The following CD247 variants were observed in gnomAD, a reference collection of about 807,000 sequenced individuals.
CD247 encodes T-cell surface glycoprotein CD3 zeta chain.
CD247 carries 13 observed loss-of-function variants against 30.0 expected under a neutral mutation model. The ratio of observed to expected loss-of-function variants is 0.43; its 90% CI spans 0.28 to 0.69. The LOEUF (loss-of-function observed/expected upper bound fraction) is 0.69, where lower values mean the gene tolerates loss of function less well. Ranked by LOEUF, CD247 falls within the 30% of genes least tolerant of loss-of-function variation. CD247 has a pLI of 0.16. For missense variants in CD247, 193 were observed against 212.6 expected, an observed-to-expected ratio of 0.91 and a Z score of 0.57; for synonymous variants, 72 against 80.0, an observed-to-expected ratio of 0.90 and a Z score of 0.53.
intron 1 of CD247, among the ~76,000 whole-genome samples, chr1:167,466,477 G>T (rs372825346): frequency 3.3e-5 from 5 of 151,896 alleles, no homozygotes; most frequent in African/African-American, 1.2e-4. Flanking sequence ...TTTGAGATAA[G>T]CTACAGGATA....
chr1:167,456,883 A>C (rs184456746), intron 1 of CD247, among the ~76,000 whole-genome samples: 1 of 152,190 alleles, frequency 6.6e-6, no homozygotes, highest in East Asian at 1.9e-4. Flanking sequence ...TCATTCCTCA[A>C]ACTTTGTCAT....
At chr1:167,449,342 C>T (rs370912662) in intron 1 of CD247, among the ~76,000 whole-genome samples, 166 of 151,222 alleles carry the variant, frequency 1.1e-3, no homozygotes, top group African/African-American at 4.0e-3. Flanking sequence ...TTAGCAGAGA[C>T]GGGGTTTCAC....
At position 167,495,256 on chromosome 1, in the gene CD247, T is replaced by C. The variant is rs552044829; in HGVS notation, c.58+23152A>G. 2.8e-4 allele frequency among the ~76,000 whole-genome samples: 42 copies of C among 152,334 alleles called. No individual in the cohort carries two copies. The South Asian group carries it at 8.5e-3, about 31-fold the overall frequency. ...CTCTCTAAGCCTCAGTTTCTTCAAC[T>C]GTAAAATGAGGATATCCTGAGGTTG... On this transcript the variant is annotated intron_variant, in intron 1 of 7. Transcript: ENST00000362089.
intron 1 of CD247, among the ~76,000 whole-genome samples, chr1:167,485,839 T>C (rs1654183253): frequency 6.6e-6 from 1 of 152,054 alleles, no homozygotes; most frequent in Admixed American, 6.6e-5. Context: ...TGCCTCCTTC[T>C]GGCTGAGCTC....
At chr1:167,438,732 C>A in intron 3 of CD247, 82 bp from the exon 4 acceptor site, 1 of 1,121,316 alleles carries the variant, frequency 8.9e-7, no homozygotes. Flanking sequence ...AGTGTGGTTT[C>A]CCTCTCTGGG....
chr1:167,461,018 G>T (rs372145381), intron 1 of CD247, among the ~76,000 whole-genome samples: 1 of 152,204 alleles, frequency 6.6e-6, no homozygotes, highest in South Asian at 2.1e-4. Context: ...GTGAGCATTC[G>T]CCTATGACGT....
At chr1:167,438,020 G>GAGGAAGGAAGGA (rs57753052) in intron 4 of CD247, among the ~76,000 whole-genome samples, 144 of 150,872 alleles carry the variant, frequency 9.5e-4, no homozygotes, top group African/African-American at 2.5e-3. Flanking sequence ...AATAAAGACA[G>GAGGAAGGAAGGA]AGGAAGGAAG....
chr1:167,497,906 T>C (rs1371534680), intron 1 of CD247, among the ~76,000 whole-genome samples: 1 of 152,176 alleles, frequency 6.6e-6, no homozygotes, highest in Non-Finnish European at 1.5e-5. Flanking sequence ...ACAGATTCCA[T>C]GATGCCCAAG....
chr1:167,471,817 CTTTCTG>C (rs1207985994), intron 1 of CD247, among the ~76,000 whole-genome samples: 1 of 140,306 alleles, frequency 7.1e-6, no homozygotes, highest in Non-Finnish European at 1.6e-5. Flanking sequence ...TTTTTTTTTT[CTTTCTG>C]TTTCTTTCTT....
chr1:167,499,433 G>C (rs1201386835), intron 1 of CD247, among the ~76,000 whole-genome samples: 1 of 152,122 alleles, frequency 6.6e-6, no homozygotes, highest in East Asian at 1.9e-4. Flanking sequence ...TTGTTGCTAG[G>C]GTTAAACTGT....
At chr1:167,511,166 A>G (rs1472038729) in intron 1 of CD247, among the ~76,000 whole-genome samples, 2 of 152,196 alleles carry the variant, frequency 1.3e-5, no homozygotes, top group Non-Finnish European at 2.9e-5. Flanking sequence ...GAGTTAGTGA[A>G]AAAACAAATC....
intron 1 of CD247, among the ~76,000 whole-genome samples, chr1:167,495,588 T>C (rs1354403359): frequency 6.6e-6 from 1 of 152,208 alleles, no homozygotes; most frequent in Non-Finnish European, 1.5e-5. Context: ...TAATCATGTA[T>C]CTTTTCTGCT....
chr1:167,435,505 C>T, intron 4 of CD247, 71 bp from the exon 5 acceptor site: 1 of 1,230,320 alleles, frequency 8.1e-7, no homozygotes, highest in Non-Finnish European at 1.2e-6. Context: ...ACAGCAAACC[C>T]CATCCTGCCC....
At chr1:167,451,672 T>A (rs1366275444) in intron 1 of CD247, among the ~76,000 whole-genome samples, 1 of 152,238 alleles carries the variant, frequency 6.6e-6, no homozygotes, top group African/African-American at 2.4e-5. Flanking sequence ...TTTTGCCCCC[T>A]GAAATTCTTA....
At chr1:167,447,616 C>T (rs1044122422) in intron 1 of CD247, among the ~76,000 whole-genome samples, 2 of 152,100 alleles carry the variant, frequency 1.3e-5, no homozygotes, top group Admixed American at 6.5e-5. Context: ...CCTACGAAGG[C>T]GACAACTGCA....
intron 4 of CD247, among the ~76,000 whole-genome samples, 165 bp from the exon 5 acceptor site, chr1:167,435,599 C>T (rs1651508016): frequency 6.6e-6 from 1 of 152,210 alleles, no homozygotes; most frequent in African/African-American, 2.4e-5. Context: ...CTGTTGGGGC[C>T]CTCATGGCAC....
intron 1 of CD247, among the ~76,000 whole-genome samples, chr1:167,453,871 G>A (rs908318565): frequency 3.3e-5 from 5 of 152,110 alleles, no homozygotes; most frequent in African/African-American, 9.7e-5. Context: ...GGCTTAGGTC[G>A]GAGGATCACC....
At chr1:167,443,791 T>G (rs1285931629) in intron 1 of CD247, among the ~76,000 whole-genome samples, 4 of 152,088 alleles carry the variant, frequency 2.6e-5, no homozygotes, top group African/African-American at 7.2e-5. Flanking sequence ...GTGTGCTGTG[T>G]GTGGTTGGGT....
chr1:167,495,980 A>G (rs571019453), intron 1 of CD247, among the ~76,000 whole-genome samples: 1 of 152,086 alleles, frequency 6.6e-6, no homozygotes, highest in Non-Finnish European at 1.5e-5. Context: ...TTTTCAGTTT[A>G]CCTCGTTTAT....
Sources: gnomAD v4.1 joint callset for allele counts (sites outside exome capture counted in the v4.1 genomes callset) on GRCh38, gnomAD v4.1.1 for gene constraint, MANE v1.5 for transcripts, NCBI Gene and HGNC (gene_info 2026-07-23, HGNC 2026-07-21) for gene names.